LRRC37A2: variants seen among roughly 807,000 people sequenced by gnomAD.
LRRC37A2 encodes the protein leucine rich repeat containing 37 member A2.
In LRRC37A2, 9 loss-of-function variants were observed where a neutral mutation model predicts 68.8. The ratio of observed to expected loss-of-function variants is 0.13; its 90% confidence interval spans 0.08 to 0.23. LRRC37A2 has a LOEUF of 0.23. LRRC37A2 is among the 10% of genes least tolerant of loss of function. The pLI, the probability that LRRC37A2 is intolerant of heterozygous loss-of-function variation, is 1.00. For synonymous variants in LRRC37A2, 63 were observed against 367.6 expected (o/e 0.17, Z 9.48); for missense variants, 168 against 950.4 (o/e 0.18, Z 10.82).
At chr17:47,040,284 T>TA in the LRRC37A2 span, among the ~76,000 whole-genome samples, 3 of 149,696 alleles carry the variant, frequency 2.0e-5, no homozygotes, top group African/African-American at 4.9e-5. Context: ...CTATAAAAAA[T>TA]AAAAAAATCT....
At chr17:46,819,749 C>T in the LRRC37A2 span, among the ~76,000 whole-genome samples, 22 of 152,352 alleles carry the variant, frequency 1.4e-4, no homozygotes, top group African/African-American at 5.3e-4. This position sits in a 1 kb window ranked among gnomAD's most constrained non-coding sequence, Gnocchi z 5.3. Flanking sequence ...ACCCACCCCT[C>T]CCCACAGGAA....
chr17:46,816,221 C>T, the LRRC37A2 span, among the ~76,000 whole-genome samples: 2 of 151,772 alleles, frequency 1.3e-5, no homozygotes, highest in South Asian at 4.2e-4. Context: ...AGGCTCTGAC[C>T]TTTACATGGG....
At chr17:46,808,084 G>A in the LRRC37A2 span, among the ~76,000 whole-genome samples, 1 of 152,200 alleles carries the variant, frequency 6.6e-6, no homozygotes, top group South Asian at 2.1e-4. Context: ...TAAGTAGAAG[G>A]AAAGAGCTTA....
the LRRC37A2 span, among the ~76,000 whole-genome samples, chr17:46,438,372 T>C: frequency 7.8e-5 from 6 of 77,024 alleles, 1 homozygote; most frequent in African/African-American, 2.2e-4. Context: ...GTTGAACTTA[T>C]AATATTTTAG....
chr17:46,940,880 A>G, the LRRC37A2 span: 4 of 1,406,948 alleles, frequency 2.8e-6, no homozygotes, highest in South Asian at 3.0e-5. Flanking sequence ...ATGTTGTCAC[A>G]TGACCACTTC....
the LRRC37A2 span, among the ~76,000 whole-genome samples, chr17:46,791,999 C>A: frequency 6.6e-6 from 1 of 152,142 alleles, no homozygotes; most frequent in Non-Finnish European, 1.5e-5. Context: ...GTGATTGCAC[C>A]ACTGCACTCC....
At chr17:46,708,348 A>C in the LRRC37A2 span, among the ~76,000 whole-genome samples, 1 of 152,166 alleles carries the variant, frequency 6.6e-6, no homozygotes, top group Non-Finnish European at 1.5e-5. Context: ...CATGCTCACC[A>C]ACAAATTATT....
the LRRC37A2 span, chr17:46,932,418 T>C: frequency 1.6e-6 from 1 of 614,388 alleles, no homozygotes; most frequent in East Asian, 2.7e-5. Flanking sequence ...AGCAGTTAAA[T>C]TGAAGGGGAA....
the LRRC37A2 span, among the ~76,000 whole-genome samples, chr17:46,839,023 G>A: frequency 2.6e-5 from 4 of 151,782 alleles, no homozygotes; most frequent in Non-Finnish European, 4.4e-5. Context: ...GATTACAGGC[G>A]CCCGCCACCA....
the LRRC37A2 span, chr17:46,978,857 C>A: frequency 2.5e-6 from 4 of 1,587,086 alleles, no homozygotes; most frequent in Non-Finnish European, 3.4e-6. Flanking sequence ...CCCGCGGGGA[C>A]CCCGTCGCTG....
the LRRC37A2 span, among the ~76,000 whole-genome samples, chr17:46,891,214 A>G: frequency 6.6e-6 from 1 of 152,172 alleles, no homozygotes; most frequent in Non-Finnish European, 1.5e-5. Flanking sequence ...GTTAATAATC[A>G]TATTTAACCT....
At chr17:46,377,576 T>TA in the LRRC37A2 span, among the ~76,000 whole-genome samples, 9,119 of 47,888 alleles carry the variant, frequency 0.19, 627 homozygotes, top group African/African-American at 0.29. Flanking sequence ...TGGATCTTTT[T>TA]TTTTTTTTTT....
the LRRC37A2 span, among the ~76,000 whole-genome samples, chr17:46,466,703 CTT>C: frequency 1.1e-4 from 10 of 93,920 alleles, 2 homozygotes; most frequent in African/African-American, 4.5e-4. Flanking sequence ...GGTTCCAAGT[CTT>C]TGCTATTGTG....
the LRRC37A2 span, among the ~76,000 whole-genome samples, chr17:46,827,338 A>G: frequency 1.3e-5 from 2 of 152,126 alleles, no homozygotes; most frequent in South Asian, 4.1e-4. Flanking sequence ...GTTTCTGGGA[A>G]GAGTTTTTGG....
At chr17:46,914,673 A>AT in the LRRC37A2 span, among the ~76,000 whole-genome samples, 1 of 143,312 alleles carries the variant, frequency 7.0e-6, no homozygotes, top group African/African-American at 2.5e-5. Context: ...AAAAAAAAAA[A>AT]GGAAAAGAAA....
At chr17:46,707,875 A>G in the LRRC37A2 span, among the ~76,000 whole-genome samples, 1 of 152,010 alleles carries the variant, frequency 6.6e-6, no homozygotes. Flanking sequence ...CTACTAAAAA[A>G]TACAAAAATT....
At chr17:46,969,002 C>A in the LRRC37A2 span, 12,902 of 153,076 alleles carry the variant, frequency 0.084, 794 homozygotes, top group Non-Finnish European at 0.12. Flanking sequence ...ACCTGCCCCC[C>A]ACCACAGTCA....
At chr17:47,022,425 C>T in the LRRC37A2 span, among the ~76,000 whole-genome samples, 1 of 150,050 alleles carries the variant, frequency 6.7e-6, no homozygotes. Flanking sequence ...CCACCTTGGC[C>T]TCTTAAAGTG....
At chr17:46,722,895 G>C in the LRRC37A2 span, among the ~76,000 whole-genome samples, 4 of 152,176 alleles carry the variant, frequency 2.6e-5, no homozygotes, top group African/African-American at 9.7e-5. Flanking sequence ...TGTTAATAGA[G>C]CTTGCTGTGA....
Sources: gnomAD v4.1 joint callset for allele counts (sites outside exome capture counted in the v4.1 genomes callset) on GRCh38, gnomAD v4.1.1 for gene constraint, Gnocchi (gnomAD v3.1) non-coding constraint, MANE v1.5 for transcripts, NCBI Gene and HGNC (gene_info 2026-07-23, HGNC 2026-07-21) for gene names.